FLOT2: variants seen among roughly 807,000 people sequenced by gnomAD.
FLOT2 encodes flotillin 2.
In FLOT2, 35 loss-of-function variants were observed where a neutral mutation model predicts 54.9. The ratio of observed to expected loss-of-function variants is 0.64; its 90% CI spans 0.49 to 0.84. The LOEUF (loss-of-function observed/expected upper bound fraction) is 0.84, where lower values mean the gene tolerates loss of function less well. Among genes scored for constraint, FLOT2 ranks in the 40% least tolerant of loss-of-function variants. FLOT2 has a pLI of 0.00. For synonymous variants in FLOT2, 207 were observed against 228.9 expected, an observed-to-expected ratio of 0.90 and a Z score of 0.86; for missense variants, 464 against 572.1, an observed-to-expected ratio of 0.81 and a Z score of 1.93.
intron 1 of FLOT2, among the ~76,000 whole-genome samples, 154 bp from the exon 2 acceptor site, chr17:28,889,180 G>T (rs1259977845): frequency 6.6e-6 from 1 of 152,158 alleles, no homozygotes; most frequent in African/African-American, 2.4e-5. Context: ...CAATGAGAGA[G>T]AAGTTCTCCC....
chr17:28,888,796 T>TGGCCCCCCCCCCCCCCCCCCCC, intron 2 of FLOT2, 149 bp downstream of exon 2: 1 of 428,338 alleles, frequency 2.3e-6, no homozygotes, highest in Non-Finnish European at 4.5e-6. Flanking sequence ...TCTTAGGAAG[T>TGGCCCCCCCCCCCCCCCCCCCC]CCCCCCCAAC....
chr17:28,888,672 C>T (rs2039589644), intron 2 of FLOT2, among the ~76,000 whole-genome samples: 1 of 152,140 alleles, frequency 6.6e-6, no homozygotes, highest in African/African-American at 2.4e-5. Flanking sequence ...TTCTCTGGGA[C>T]AGAAGTAATG....
At chr17:28,896,769 C>T (rs989646211) in intron 1 of FLOT2, among the ~76,000 whole-genome samples, 1 of 152,152 alleles carries the variant, frequency 6.6e-6, no homozygotes, top group African/African-American at 2.4e-5. Context: ...CACCAGGACC[C>T]CCGTCCCCCA....
intron 9 of FLOT2, 137 bp from the exon 10 acceptor site, chr17:28,880,999 A>C: frequency 7.4e-6 from 9 of 1,218,438 alleles, no homozygotes; most frequent in Non-Finnish European, 1.1e-5. Context: ...AGCCATGGTA[A>C]GAGACGCCCT....
intron 2 of FLOT2, chr17:28,885,853 T>C (rs1231817201): frequency 4.6e-6 from 7 of 1,534,256 alleles, no homozygotes; most frequent in Middle Eastern, 1.7e-4. Context: ...AGGTGGGTTA[T>C]TACCTGTGCA....
chr17:28,880,771 C>T lies in FLOT2; in HGVS notation c.1190G>A (p.Arg397Gln), dbSNP rs201248977. ...AGAGGCAGGCAGCTCGGCCAGCAGT[C>T]GGTTCACTTCTGATGTGACCTTACT... ...DNSKVTSEVN[R>Q]LLAELPASVH... Residue 397 changes from arginine to glutamine, a missense_variant, in exon 10 of 11, where the codon CGA (arginine) becomes CAA (glutamine). By Grantham distance (43) the Arg-to-Gln change is conservative. Transcript: ENST00000394908. 32 of 1,614,108 alleles carry T rather than the reference C, an allele frequency of 2.0e-5. No individual in the cohort carries two copies. Among genetic ancestry groups the T allele is most frequent in the South Asian group, 2.0e-4 (18 of 91,090 alleles).
Position 28,888,996 on chromosome 17 carries a change from TACTGTTTATAGTCGGAACC to T in FLOT2, c.61_79del (p.Gly21ThrfsTer21). The T allele has an allele frequency of 6.2e-7, 1 of 1,614,082 alleles. No homozygotes were observed. Among genetic ancestry groups the T allele is most frequent in the Non-Finnish European group, 8.5e-7 (1 of 1,179,984 alleles). On this transcript the variant is annotated frameshift_variant, in exon 2 of 11. Transcript: ENST00000394908. LOFTEE classifies it high-confidence loss of function. ...GGCCCAGGCCCAGCCGCCAAACACG[TACTGTTTATAGTCGGAACC>T]ACAACAGCCCCCTGGGGAGCAAAGC...
rs745824583 is a variant in FLOT2, at chr17:28,883,239, T to C, written c.223-8A>G. On this transcript the variant is annotated splice_region_variant and splice_polypyrimidine_tract_variant and intron_variant, in intron 3 of 10. Coordinates refer to ENST00000394908, the MANE Select transcript of FLOT2 (RefSeq NM_004475.3). This position sits in a 1 kb window ranked among gnomAD's most constrained non-coding sequence, Gnocchi z 5.0. ...CTCCGTCATGATCTTCACCTGTCAG[T>C]GACGACAAAGGCGCTTCAGCTAGGC... 15 of 1,614,046 alleles carry C rather than the reference T, an allele frequency of 9.3e-6. No homozygotes were observed. The Admixed American group carries it at 2.3e-4, about 25-fold the overall frequency.
At chr17:28,893,056 A>G (rs2039680411) in intron 1 of FLOT2, 1 of 152,232 alleles carries the variant, frequency 6.6e-6, no homozygotes, top group African/African-American at 2.4e-5. Flanking sequence ...GGTAGCAACA[A>G]CAGGAAGCTG....
intron 1 of FLOT2, among the ~76,000 whole-genome samples, chr17:28,893,855 C>T (rs545068179): frequency 6.6e-6 from 1 of 152,358 alleles, no homozygotes; most frequent in East Asian, 1.9e-4. Context: ...GTGCATGAAA[C>T]CCCTGTTACG....
intron 1 of FLOT2, among the ~76,000 whole-genome samples, chr17:28,895,539 A>C (rs1338107685): frequency 6.6e-6 from 1 of 152,202 alleles, no homozygotes; most frequent in East Asian, 1.9e-4. Context: ...CTGGAATTAC[A>C]GGCATGAGCC....
rs778874385 is a variant in FLOT2, at chr17:28,897,615, C to G, written c.-41G>C. The stretch of plus-strand genomic sequence containing the variant: ...GAGGGCCCTCGGGACCGCACAGACC[C>G]GGACAACAGCAGCGGGTCTGCAGCG... On this transcript the variant is annotated 5_prime_UTR_variant, in exon 1 of 11. Coordinates refer to ENST00000394908, the MANE Select transcript of FLOT2 (RefSeq NM_004475.3). This position sits in a 1 kb window ranked among gnomAD's most constrained non-coding sequence, Gnocchi z 4.4. 3.3e-6 allele frequency: 5 copies of G among 1,514,130 alleles called. No individual in the cohort carries two copies. The South Asian group carries it at 3.7e-5, about 11-fold the overall frequency. 93.8% of individuals were successfully genotyped at this position (1,514,130 alleles called of 1,614,324 possible). A position where few individuals can be genotyped will look rare whatever the true frequency, so the allele number is the denominator to read the frequency against.
chr17:28,888,799 C>T (rs1006163858), intron 2 of FLOT2, 146 bp downstream of exon 2: 3 of 492,604 alleles, frequency 6.1e-6, no homozygotes, highest in Non-Finnish European at 7.8e-6. Flanking sequence ...TAGGAAGTCC[C>T]CCCCAACCCC....
Position 28,886,059 on chromosome 17 carries a change from G to GGT in FLOT2, c.132-1745_132-1744insAC, listed in dbSNP as rs67825709. ...GCACCGATGCCTGACGCCTGGGGGC[G>GGT]GGGGGGGGCATGCTGTCAGTAATCC... On this transcript the variant is annotated intron_variant, in intron 2 of 10. Transcript: ENST00000394908. 9 of 502,636 alleles carry GGT rather than the reference G, an allele frequency of 1.8e-5. 1 individual carries two copies. Among genetic ancestry groups the GGT allele is most frequent in the South Asian group, 5.2e-5 (3 of 57,694 alleles). The allele number at this position is 502,636 out of a possible 1,614,324, so 31.1% of individuals were successfully genotyped here.
rs1482788207 is a variant in FLOT2 at position 28,884,514 on chromosome 17, G to A, written c.132-199C>T. ...GTGGGTGCAGGTGGCCCCAGGGGAAGGAGTGGAAGTGGGCTGCATATGTGC... is the reference window on the plus strand; with the variant it reads ...GTGGGTGCAGGTGGCCCCAGGGGAAAGAGTGGAAGTGGGCTGCATATGTGC... On this transcript the variant is annotated intron_variant, in intron 2 of 10. Transcript: ENST00000394908. This position sits in a 1 kb window ranked among gnomAD's most constrained non-coding sequence, Gnocchi z 5.1. Among the ~76,000 whole-genome samples the A allele has an allele frequency of 6.6e-6, 1 of 152,190 alleles. No individual in the cohort carries two copies. The highest frequency in any genetic ancestry group is 2.4e-5 in the African/African-American group (1 of 41,446).
Position 28,882,487 on chromosome 17 carries a change from C to G in FLOT2, c.466-37G>C. 1 of 1,599,080 alleles carries G rather than the reference C, an allele frequency of 6.3e-7. No homozygotes were observed. Among genetic ancestry groups the G allele is most frequent in the East Asian group, 2.2e-5 (1 of 44,826 alleles). On this transcript the variant is annotated intron_variant, in intron 5 of 10. Transcript: ENST00000394908. The surrounding 1 kb of genome is among the most constrained non-coding windows in gnomAD (Gnocchi z 5.6). The stretch of plus-strand genomic sequence containing the variant: ...AGGGGGTATCAGAGGCTCAAAGGAG[C>G]AGCCAGAGGCACAAAGGTGCCCCTC...
Position 28,884,765 on chromosome 17 carries a change from G to C in FLOT2, c.132-450C>G, listed in dbSNP as rs1410587832. Among the ~76,000 whole-genome samples, 2 of 152,168 alleles carry C rather than the reference G, an allele frequency of 1.3e-5. No individual in the cohort carries two copies. The highest frequency in any genetic ancestry group is 2.9e-5 in the Non-Finnish European group (2 of 68,008). On this transcript the variant is annotated intron_variant, in intron 2 of 10. Coordinates refer to ENST00000394908, the MANE Select transcript of FLOT2 (RefSeq NM_004475.3). This position sits in a 1 kb window ranked among gnomAD's most constrained non-coding sequence, Gnocchi z 5.1. Reference sequence around the variant, plus strand: ...TTCCTTGGTCTACCCAGCACCCCAGGGTGCCCCAGGAAGTTGCTTGGAAAG... The same window carrying C: ...TTCCTTGGTCTACCCAGCACCCCAGCGTGCCCCAGGAAGTTGCTTGGAAAG...
Position 28,893,430 on chromosome 17 carries a change from T to G in FLOT2, c.49+4096A>C, listed in dbSNP as rs1282590720. 5.5e-4 allele frequency: 78 copies of G among 141,028 alleles called. 1 individual carries two copies. Among genetic ancestry groups the G allele is most frequent in the African/African-American group, 2.1e-3 (76 of 35,864 alleles). 8.7% of individuals were successfully genotyped at this position (141,028 alleles called of 1,614,324 possible). ...CACCTTCTTTTTTTTTTTTTTTTTT[T>G]GAGACAGTATTGTGCTCTGTCACCC... On this transcript the variant is annotated intron_variant, in intron 1 of 10. Transcript: ENST00000394908.
chr17:28,886,596 A>G (rs556969623), intron 2 of FLOT2, among the ~76,000 whole-genome samples: 55 of 152,330 alleles, frequency 3.6e-4, no homozygotes, highest in African/African-American at 1.3e-3. Flanking sequence ...GGCCAGGGGC[A>G]GAGAGAAGAT....
Sources: gnomAD v4.1 joint callset for allele counts (sites outside exome capture counted in the v4.1 genomes callset) on GRCh38, gnomAD v4.1.1 for gene constraint, Gnocchi (gnomAD v3.1) non-coding constraint, MANE v1.5 for transcripts, NCBI Gene and HGNC (gene_info 2026-07-23, HGNC 2026-07-21) for gene names.